PCDHGA3: variants seen among roughly 807,000 people sequenced by gnomAD.
PCDHGA3 encodes the protein protocadherin gamma subfamily A, 3.
In PCDHGA3, 40 loss-of-function variants were observed where a neutral mutation model predicts 58.5. The ratio of observed to expected loss-of-function variants is 0.68; its 90% CI spans 0.53 to 0.89. The LOEUF is 0.89. Among genes scored for constraint, PCDHGA3 ranks in the 40% least tolerant of loss-of-function variants. The probability of loss-of-function intolerance (pLI) is 0.00; values close to 1 mark genes in which losing one functional copy is unlikely to be tolerated. For missense variants in PCDHGA3, 1,223 were observed against 1,195.9 expected, an observed-to-expected ratio of 1.02 and a Z score of -0.33; for synonymous variants, 530 against 525.7, an observed-to-expected ratio of 1.01 and a Z score of -0.11.
At chr5:141,390,560 T>C (rs531396970) in intron 1 of PCDHGA3, 1 of 443,156 alleles carries the variant, frequency 2.3e-6, no homozygotes, top group East Asian at 4.1e-5. Context: ...GTTAGACAGT[T>C]GTTGGCTCTC....
At position 141,510,947 on chromosome 5, in the gene PCDHGA3, A is replaced by C; in HGVS notation, c.2573A>C (p.Glu858Ala). Residue 858 changes from glutamate to alanine, a missense_variant and splice_region_variant, in exon 4 of 4, where the codon GAA (glutamate) becomes GCA (alanine). By Grantham distance (107) the Glu-to-Ala change is moderately radical. This residue lies in a region of PCDHGA3 where 325 missense variants were observed against 327.5 expected (regional missense o/e 0.99). Transcript: ENST00000253812. ...ACCTGATCTTCCTCTGTCTCTGCAG[A>C]AGCTGCTGATGGGAGCTCCACCCTG... ...LQAMILASAS[E>A]AADGSSTLGG... The C allele has an allele frequency of 6.2e-7, 1 of 1,614,084 alleles. No individual in the cohort carries two copies. Among genetic ancestry groups the C allele is most frequent in the Non-Finnish European group, 8.5e-7 (1 of 1,180,000 alleles).
At chr5:141,400,138 A>G (rs1459833287) in intron 1 of PCDHGA3, 4 of 1,614,046 alleles carry the variant, frequency 2.5e-6, no homozygotes, top group Admixed American at 1.7e-5. Context: ...GCTGCCGGAT[A>G]TCACTGACCG....
intron 1 of PCDHGA3, among the ~76,000 whole-genome samples, chr5:141,446,338 G>T (rs964323259): frequency 6.6e-6 from 1 of 152,128 alleles, no homozygotes; most frequent in African/African-American, 2.4e-5. Flanking sequence ...GGAACTGGAT[G>T]GACAAAGCTA....
At chr5:141,384,440 T>C (rs766102464) in intron 1 of PCDHGA3, 6 of 1,614,046 alleles carry the variant, frequency 3.7e-6, no homozygotes, top group Non-Finnish European at 4.2e-6. Context: ...ACTGGAGTCC[T>C]GTACGCGCTG....
intron 1 of PCDHGA3, among the ~76,000 whole-genome samples, chr5:141,445,902 T>C (rs1022574381): frequency 3.9e-5 from 6 of 152,186 alleles, no homozygotes; most frequent in Non-Finnish European, 8.8e-5. Context: ...TTAAAATATT[T>C]TAAACAAGGC....
rs1036126623 is a variant in PCDHGA3 at position 141,410,753 on chromosome 5, T to C, written c.2424+64296T>C. The stretch of plus-strand genomic sequence containing the variant: ...AGCTTTTTACAATATTTTCTCAATG[T>C]TTTTTCAATTATAGTTTTCACTATG... On this transcript the variant is annotated intron_variant, in intron 1 of 3. Coordinates refer to ENST00000253812, the MANE Select transcript of PCDHGA3 (RefSeq NM_018916.4). 2.4e-6 allele frequency: 3 copies of C among 1,229,812 alleles called. No homozygotes were observed. In the Admixed American group the frequency reaches 8.8e-5, roughly 36 times the overall value. The allele number at this position is 1,229,812 out of a possible 1,614,324, so 76.2% of individuals were successfully genotyped here. A position where few individuals can be genotyped will look rare whatever the true frequency, so the allele number is the denominator to read the frequency against.
intron 1 of PCDHGA3, among the ~76,000 whole-genome samples, chr5:141,463,762 T>C (rs113547206): frequency 2.0e-5 from 3 of 152,214 alleles, no homozygotes; most frequent in African/African-American, 4.8e-5. Flanking sequence ...TCTTCTCTTA[T>C]GGGTTAGAAT....
chr5:141,356,423 G>A lies in PCDHGA3; in HGVS notation c.2424+9966G>A, dbSNP rs760964193. ...AATTATTATCGGTTGTTGACACACA[G>A]AACACTGGACAGGGAAGAAGTCTCA... On this transcript the variant is annotated intron_variant, in intron 1 of 3. Coordinates refer to ENST00000253812, the MANE Select transcript of PCDHGA3 (RefSeq NM_018916.4). 1.0e-5 allele frequency: 16 copies of A among 1,606,564 alleles called. No homozygotes were observed. Among genetic ancestry groups the A allele is most frequent in the Non-Finnish European group, 1.4e-5 (16 of 1,175,920 alleles).
chr5:141,485,500 C>T lies in PCDHGA3; in HGVS notation c.2425-9307C>T. 1 of 1,614,142 alleles carries T rather than the reference C, an allele frequency of 6.2e-7. No homozygotes were observed. The highest frequency in any genetic ancestry group is 8.5e-7 in the Non-Finnish European group (1 of 1,180,038). ...GCTGCATCGTGCCCCTGGAGTTTGT[C>T]ACCGAAGGTCCTTTGGAAATGTACC... On this transcript the variant is annotated intron_variant, in intron 1 of 3. Coordinates refer to ENST00000253812, the MANE Select transcript of PCDHGA3 (RefSeq NM_018916.4). The surrounding 1 kb of genome is among the most constrained non-coding windows in gnomAD (Gnocchi z 5.7).
intron 1 of PCDHGA3, among the ~76,000 whole-genome samples, chr5:141,448,571 C>G (rs1207283773): frequency 6.6e-6 from 1 of 152,128 alleles, no homozygotes; most frequent in Non-Finnish European, 1.5e-5. Flanking sequence ...TTTTATTTCC[C>G]CATTTTTTTT....
intron 1 of PCDHGA3, chr5:141,403,621 C>T: frequency 6.2e-7 from 1 of 1,613,926 alleles, no homozygotes; most frequent in Non-Finnish European, 8.5e-7. Flanking sequence ...CGCGTCGCTC[C>T]AGCACAGTGC....
At chr5:141,395,550 G>T (rs1402921293) in intron 1 of PCDHGA3, 4 of 47,806 alleles carry the variant, frequency 8.4e-5, no homozygotes, top group South Asian at 8.8e-4. Flanking sequence ...GTTTGTGTGT[G>T]TGTGTGTGTG....
intron 1 of PCDHGA3, chr5:141,417,389 A>C (rs578088616): frequency 2.5e-4 from 39 of 154,566 alleles, no homozygotes; most frequent in Admixed American, 4.5e-4. Flanking sequence ...ATTTTGAAGA[A>C]AAAATATTCA....
At chr5:141,352,144 G>C in intron 1 of PCDHGA3, 2 of 1,612,258 alleles carry the variant, frequency 1.2e-6, no homozygotes, top group Non-Finnish European at 1.7e-6. Context: ...CGCGTGCCTT[G>C]GGCGACAGGG....
At chr5:141,361,587 T>A in intron 1 of PCDHGA3, 1 of 1,614,028 alleles carries the variant, frequency 6.2e-7, no homozygotes, top group Non-Finnish European at 8.5e-7. Context: ...TGGGCCCCAG[T>A]GGCCAAGTTT....
At chr5:141,458,308 A>G (rs1363472724) in intron 1 of PCDHGA3, among the ~76,000 whole-genome samples, 1 of 152,196 alleles carries the variant, frequency 6.6e-6, no homozygotes, top group Non-Finnish European at 1.5e-5. Context: ...AGATAAAATG[A>G]CACAGACACA....
chr5:141,489,096 ACT>A lies in PCDHGA3; in HGVS notation c.2425-5710_2425-5709del. The A allele has an allele frequency of 2.0e-6, 1 of 494,278 alleles. No individual in the cohort carries two copies. The allele number at this position is 494,278 out of a possible 1,614,324, so 30.6% of individuals were successfully genotyped here. A position where few individuals can be genotyped will look rare whatever the true frequency, so the allele number is the denominator to read the frequency against. ...CACCCCCGCCACTCGGTGACTAAGA[ACT>A]GCTGCAAGCAGGCAAACCTCCGAGC... On this transcript the variant is annotated intron_variant, in intron 1 of 3. Coordinates refer to ENST00000253812, the MANE Select transcript of PCDHGA3 (RefSeq NM_018916.4). The surrounding 1 kb of genome is among the most constrained non-coding windows in gnomAD (Gnocchi z 4.5).
chr5:141,418,586 A>C lies in PCDHGA3; in HGVS notation c.2424+72129A>C, dbSNP rs1422171892. ...TGCCAATGACAACCCCCCAGTGTTC[A>C]GCCAGGACGTGTACAGGGTTAGCCT... On this transcript the variant is annotated intron_variant, in intron 1 of 3. Transcript: ENST00000253812. The C allele has an allele frequency of 1.9e-6, 3 of 1,613,930 alleles. No individual in the cohort carries two copies. In the Admixed American group the frequency reaches 5.0e-5, roughly 27 times the overall value.
intron 1 of PCDHGA3, chr5:141,388,461 G>C (rs1423485997): frequency 6.2e-7 from 1 of 1,613,762 alleles, no homozygotes; most frequent in Admixed American, 1.7e-5. Context: ...TAAATACCCT[G>C]AGATGGTATT....
Sources: gnomAD v4.1 joint callset for allele counts (sites outside exome capture counted in the v4.1 genomes callset) on GRCh38, gnomAD v4.1.1 for gene constraint, gnomAD v4.1.1 regional missense constraint, Gnocchi (gnomAD v3.1) non-coding constraint, MANE v1.5 for transcripts, NCBI Gene and HGNC (gene_info 2026-07-23, HGNC 2026-07-21) for gene names.